Variants in MCPH1 observed in about 807,000 individuals in gnomAD.
MCPH1 encodes the protein microcephalin 1.
Under a neutral mutation model 84.5 loss-of-function variants are expected in MCPH1, and 104 were observed. The ratio of observed to expected loss-of-function variants is 1.23; its 90% CI spans 1.05 to 1.45. The LOEUF (loss-of-function observed/expected upper bound fraction) is 1.45, where lower values mean the gene tolerates loss of function less well. Ranked by LOEUF, MCPH1 falls within the 40% of genes most tolerant of loss-of-function variation. The pLI is 0.00. For missense variants in MCPH1, 1,498 were observed against 1,005.7 expected, an observed-to-expected ratio of 1.49 and a Z score of -6.62; for synonymous variants, 514 against 366.8, an observed-to-expected ratio of 1.40 and a Z score of -4.58.
intron 12 of MCPH1, among the ~76,000 whole-genome samples, chr8:6,542,700 C>G (rs1013373681): frequency 6.6e-6 from 1 of 151,972 alleles, no homozygotes; most frequent in South Asian, 2.1e-4. Flanking sequence ...CTCCTCTCTG[C>G]CCTGTTTTTG....
intron 11 of MCPH1, among the ~76,000 whole-genome samples, chr8:6,485,310 G>C (rs1326012861): frequency 1.3e-5 from 2 of 151,900 alleles, no homozygotes; most frequent in African/African-American, 4.8e-5. Flanking sequence ...GGGTGACAGA[G>C]TGAGACTCTG....
chr8:6,504,054 C>T (rs1812736226), intron 12 of MCPH1, among the ~76,000 whole-genome samples: 1 of 152,204 alleles, frequency 6.6e-6, no homozygotes, highest in African/African-American at 2.4e-5. Flanking sequence ...CGCAGTGGCT[C>T]ACGCCTGTAA....
rs1488084787 is a variant in MCPH1 at position 6,414,797 on chromosome 8, C to T, written c.147C>T (p.His49=). The change falls in exon 3 of 14, where the codon CAC becomes CAT. Residue 49 remains histidine (H), a synonymous_variant. Transcript: ENST00000344683. ...AAACTTTTAACAAACAAGTAACTCA[C>T]GTTATCTTCAAAGATGGCTACCAGA... The part of the protein sequence containing the change: ...VSKTFNKQVT[H]VIFKDGYQST... The T allele has an allele frequency of 9.9e-6, 16 of 1,613,586 alleles. No individual in the cohort carries two copies. The highest frequency in any genetic ancestry group is 3.3e-5 in the South Asian group (3 of 91,050).
chr8:6,487,396 T>C (rs1357729239), intron 11 of MCPH1, among the ~76,000 whole-genome samples: 1 of 152,194 alleles, frequency 6.6e-6, no homozygotes, highest in Non-Finnish European at 1.5e-5. Context: ...CGTTCACGCC[T>C]CTCATTTTAC....
chr8:6,622,525 C>T (rs1831566916), intron 13 of MCPH1, among the ~76,000 whole-genome samples: 1 of 152,236 alleles, frequency 6.6e-6, no homozygotes, highest in African/African-American at 2.4e-5. Context: ...CCCACACCCT[C>T]CTCCATGGGG....
intron 12 of MCPH1, among the ~76,000 whole-genome samples, chr8:6,541,942 AGGCT>A (rs1821653921): frequency 1.3e-5 from 2 of 150,248 alleles, no homozygotes; most frequent in Admixed American, 1.3e-4. Context: ...CAGGAGGTTG[AGGCT>A]GCAGTGAGCC....
At chr8:6,431,434 T>A (rs944153933) in intron 3 of MCPH1, 65 bp from the exon 4 acceptor site, 19 of 1,199,822 alleles carry the variant, frequency 1.6e-5, no homozygotes, top group Non-Finnish European at 6.2e-6. Flanking sequence ...ATGTGCAGAT[T>A]TAGTGCTGTG....
At chr8:6,461,897 GTT>G (rs989511439) in intron 9 of MCPH1, among the ~76,000 whole-genome samples, 2 of 152,052 alleles carry the variant, frequency 1.3e-5, no homozygotes. Flanking sequence ...CAAGTATTTG[GTT>G]TATTCTACTA....
intron 13 of MCPH1, among the ~76,000 whole-genome samples, chr8:6,633,607 A>G (rs1325409748): frequency 1.3e-5 from 2 of 152,162 alleles, no homozygotes; most frequent in Non-Finnish European, 2.9e-5. Flanking sequence ...TAGCGTCCCC[A>G]AGGGAAAAAA....
At chr8:6,460,267 A>G (rs561125656) in intron 9 of MCPH1, among the ~76,000 whole-genome samples, 1 of 151,994 alleles carries the variant, frequency 6.6e-6, no homozygotes, top group South Asian at 2.1e-4. Context: ...GATGTCTTCT[A>G]TTGGTTTCTT....
At chr8:6,530,779 C>T (rs563612090) in intron 12 of MCPH1, among the ~76,000 whole-genome samples, 1 of 152,114 alleles carries the variant, frequency 6.6e-6, no homozygotes, top group Non-Finnish European at 1.5e-5. Flanking sequence ...GTTAATCTAT[C>T]ATTTCACTAC....
chr8:6,561,781 G>GA (rs939120735), intron 12 of MCPH1, among the ~76,000 whole-genome samples: 13 of 151,984 alleles, frequency 8.6e-5, no homozygotes, highest in East Asian at 5.8e-4. Flanking sequence ...GTTTACATGT[G>GA]AAAAAAAATT....
intron 12 of MCPH1, among the ~76,000 whole-genome samples, chr8:6,551,156 G>T (rs937959898): frequency 6.6e-6 from 1 of 152,142 alleles, no homozygotes; most frequent in Non-Finnish European, 1.5e-5. Context: ...GCTGACTTAG[G>T]ATTTTAAATC....
At chr8:6,465,682 G>T (rs936906479) in intron 9 of MCPH1, among the ~76,000 whole-genome samples, 1 of 152,124 alleles carries the variant, frequency 6.6e-6, no homozygotes, top group African/African-American at 2.4e-5. Flanking sequence ...GGCGGAGGGC[G>T]GGGGAGGCCT....
In MCPH1 at chr8:6,503,133, T is replaced by A. The variant is rs1235596316; in HGVS notation, c.2214+3204T>A. 6.2e-7 allele frequency: 1 copy of A among 1,614,104 alleles called. No individual in the cohort carries two copies. Among genetic ancestry groups the A allele is most frequent in the Non-Finnish European group, 8.5e-7 (1 of 1,180,050 alleles). On this transcript the variant is annotated intron_variant, in intron 12 of 13. Coordinates refer to ENST00000344683, the MANE Select transcript of MCPH1 (RefSeq NM_024596.5). ...TCTGCTGGTCGGATCATCATGGTTG[T>A]GGCCTTGAGCGAATAGCCTGAGCCT...
intron 12 of MCPH1, among the ~76,000 whole-genome samples, chr8:6,525,215 C>G (rs1053545835): frequency 6.6e-6 from 1 of 152,142 alleles, no homozygotes; most frequent in Non-Finnish European, 1.5e-5. Context: ...ATTAGATATT[C>G]AATTGTAGCT....
chr8:6,623,388 TTCTC>T (rs1022587158), intron 13 of MCPH1, among the ~76,000 whole-genome samples: 1 of 152,006 alleles, frequency 6.6e-6, no homozygotes, highest in Non-Finnish European at 1.5e-5. Context: ...CTCATTCTTT[TTCTC>T]TCTCTTTGCT....
At chr8:6,443,284 C>A (rs567991237) in intron 7 of MCPH1, among the ~76,000 whole-genome samples, 1 of 152,244 alleles carries the variant, frequency 6.6e-6, no homozygotes, top group South Asian at 2.1e-4. Flanking sequence ...CATTGCTTAT[C>A]GGGTTTTTGA....
intron 12 of MCPH1, among the ~76,000 whole-genome samples, chr8:6,550,565 G>A (rs565110795): frequency 7.2e-4 from 109 of 152,338 alleles, no homozygotes; most frequent in African/African-American, 2.6e-3. Flanking sequence ...CGGGGTGAGG[G>A]GTGTGCTTCT....
Sources: gnomAD v4.1 joint callset for allele counts (sites outside exome capture counted in the v4.1 genomes callset) on GRCh38, gnomAD v4.1.1 for gene constraint, MANE v1.5 for transcripts, NCBI Gene and HGNC (gene_info 2026-07-23, HGNC 2026-07-21) for gene names.